The following DGKI variants were observed in gnomAD, a reference collection of about 807,000 sequenced individuals.
DGKI encodes DAG kinase iota.
In DGKI, 55 loss-of-function variants were observed where a neutral mutation model predicts 147.5. The ratio of observed to expected loss-of-function variants is 0.37; its 90% CI spans 0.30 to 0.47. The LOEUF (loss-of-function observed/expected upper bound fraction) is 0.47. DGKI is among the 20% of genes least tolerant of loss of function. DGKI has a pLI of 1.00. For synonymous variants in DGKI, 469 were observed against 477.1 expected (o/e 0.98, Z 0.22); for missense variants, 1,007 against 1,323.8 (o/e 0.76, Z 3.71).
chr7:137,469,451 G>T, intron 24 of DGKI, 99 bp downstream of exon 24: 1 of 1,247,184 alleles, frequency 8.0e-7, no homozygotes, highest in South Asian at 1.3e-5. Context: ...AAGGCTTTCT[G>T]AATAATCTTT....
intron 21 of DGKI, among the ~76,000 whole-genome samples, chr7:137,489,141 G>A (rs543797928): frequency 6.6e-6 from 1 of 152,256 alleles, no homozygotes; most frequent in African/African-American, 2.4e-5. Context: ...CCATGATTTT[G>A]TGGAACTATG....
At chr7:137,602,679 T>C (rs1214081958) in intron 10 of DGKI, among the ~76,000 whole-genome samples, 1 of 152,186 alleles carries the variant, frequency 6.6e-6, no homozygotes, top group Non-Finnish European at 1.5e-5. Flanking sequence ...AAAGCTTTAA[T>C]AGAGATAATT....
chr7:137,450,290 C>G (rs187850265), intron 27 of DGKI, among the ~76,000 whole-genome samples: 201 of 152,270 alleles, frequency 1.3e-3, no homozygotes, highest in African/African-American at 4.7e-3. Flanking sequence ...GCTAAGTGCT[C>G]TCACAATAAA....
chr7:137,811,364 C>CCCT (rs1797567873), intron 1 of DGKI, among the ~76,000 whole-genome samples: 2 of 137,730 alleles, frequency 1.5e-5, no homozygotes, highest in African/African-American at 2.8e-5. Flanking sequence ...TCTCTCTCTC[C>CCCT]CTCTCTCTCT....
intron 21 of DGKI, among the ~76,000 whole-genome samples, chr7:137,514,763 C>T (rs546442611): frequency 1.4e-4 from 22 of 152,212 alleles, no homozygotes; most frequent in Non-Finnish European, 3.1e-4. Context: ...TTCTCTCCAA[C>T]TCTACTACTT....
chr7:137,399,922 A>AG (rs924554132), intron 30 of DGKI, among the ~76,000 whole-genome samples: 16 of 151,960 alleles, frequency 1.1e-4, no homozygotes, highest in African/African-American at 3.9e-4. Context: ...AAAAAAAAAA[A>AG]AAAGAAAGAA....
At chr7:137,510,234 G>A (rs2128947334) in intron 21 of DGKI, among the ~76,000 whole-genome samples, 1 of 152,298 alleles carries the variant, frequency 6.6e-6, no homozygotes, top group South Asian at 2.1e-4. Context: ...TGATGTAAAT[G>A]CCTACTTTTG....
At chr7:137,750,446 C>T (rs1237151197) in intron 1 of DGKI, among the ~76,000 whole-genome samples, 1 of 152,092 alleles carries the variant, frequency 6.6e-6, no homozygotes, top group African/African-American at 2.4e-5. Context: ...CAAAGCCTGG[C>T]ACATAGTAGG....
At position 137,415,275 on chromosome 7, in the gene DGKI, T is replaced by C. The variant is rs74561375; in HGVS notation, c.2762-3068A>G. 9.2e-5 allele frequency among the ~76,000 whole-genome samples: 14 copies of C among 152,158 alleles called. No individual in the cohort carries two copies. In the East Asian group the frequency reaches 2.7e-3, roughly 29 times the overall value. On this transcript the variant is annotated intron_variant, in intron 28 of 32. Coordinates refer to ENST00000614521, the MANE Select transcript of DGKI (RefSeq NM_001321708.2). ...ATCGAAAACATTCAAAAAATAATAA[T>C]AATGATACAACAGTAAAAATTACAA...
At chr7:137,588,450 T>A (rs939642323) in intron 12 of DGKI, among the ~76,000 whole-genome samples, 1 of 148,336 alleles carries the variant, frequency 6.7e-6, no homozygotes, top group Non-Finnish European at 1.5e-5. Context: ...GAGTTCACAG[T>A]AACACAAAGA....
At chr7:137,661,624 CGAGGACTA>C (rs2116291800) in intron 3 of DGKI, among the ~76,000 whole-genome samples, 1 of 152,144 alleles carries the variant, frequency 6.6e-6, no homozygotes, top group East Asian at 1.9e-4. Context: ...AGATTCACCC[CGAGGACTA>C]GAAACCGAGG....
intron 21 of DGKI, among the ~76,000 whole-genome samples, chr7:137,494,989 G>T (rs891719957): frequency 1.3e-5 from 2 of 151,798 alleles, no homozygotes; most frequent in African/African-American, 4.8e-5. Context: ...AAAAAGCAGG[G>T]GTTGCTACCA....
intron 2 of DGKI, 39 bp downstream of exon 2, chr7:137,689,855 G>T: frequency 7.7e-7 from 1 of 1,306,282 alleles, no homozygotes; most frequent in Non-Finnish European, 1.1e-6. Flanking sequence ...CACAAAACAT[G>T]CACTGAAGTG....
intron 28 of DGKI, among the ~76,000 whole-genome samples, chr7:137,434,043 T>C (rs549953504): frequency 6.6e-6 from 1 of 150,666 alleles, no homozygotes; most frequent in Admixed American, 6.6e-5. Context: ...CGCTTGAACC[T>C]GGGAGGCAGA....
chr7:137,595,960 C>T (rs1339588407), intron 12 of DGKI, among the ~76,000 whole-genome samples: 1 of 125,276 alleles, frequency 8.0e-6, no homozygotes, highest in Non-Finnish European at 1.6e-5. Flanking sequence ...TGAGATTGTG[C>T]CACTGCACTC....
chr7:137,613,387 T>C (rs969848782), intron 8 of DGKI, among the ~76,000 whole-genome samples: 2 of 152,100 alleles, frequency 1.3e-5, no homozygotes, highest in African/African-American at 4.8e-5. Context: ...AGAAAACTTA[T>C]TCCAAAAGTT....
At chr7:137,612,582 G>C (rs907975585) in intron 8 of DGKI, among the ~76,000 whole-genome samples, 1 of 152,076 alleles carries the variant, frequency 6.6e-6, no homozygotes, top group Admixed American at 6.5e-5. Flanking sequence ...TTTTGACCAT[G>C]ATGAAATAAA....
chr7:137,558,053 A>T (rs1818285440), intron 19 of DGKI, among the ~76,000 whole-genome samples: 1 of 152,160 alleles, frequency 6.6e-6, no homozygotes, highest in East Asian at 1.9e-4. Context: ...AATAGCCTCA[A>T]TGGATCTATC....
intron 1 of DGKI, among the ~76,000 whole-genome samples, chr7:137,805,964 G>A (rs750431859): frequency 4.3e-4 from 65 of 152,316 alleles, no homozygotes; most frequent in Non-Finnish European, 9.0e-4. Context: ...TTTCTTTGAC[G>A]CTAAATAATA....
Sources: allele counts gnomAD v4.1 joint callset (sites outside exome capture counted in the v4.1 genomes callset), GRCh38; gene constraint gnomAD v4.1.1; transcripts MANE v1.5; gene names NCBI Gene and HGNC (gene_info 2026-07-23, HGNC 2026-07-21).